CADM2: variants seen among roughly 807,000 people sequenced by gnomAD.
CADM2 encodes immunoglobulin superfamily member 4D.
CADM2 carries 12 observed loss-of-function variants against 49.8 expected under a neutral mutation model. The observed-to-expected ratio is 0.24, with a 90% CI of 0.15 to 0.39. The LOEUF is 0.39. Ranked by LOEUF, CADM2 falls within the 10% of genes least tolerant of loss-of-function variation. The pLI, the probability that CADM2 is intolerant of heterozygous loss-of-function variation, is 1.00. For synonymous variants in CADM2, 214 were observed against 175.4 expected, an observed-to-expected ratio of 1.22 and a Z score of -1.74; for missense variants, 378 against 492.3, an observed-to-expected ratio of 0.77 and a Z score of 2.20.
At chr3:85,205,721 AT>A (rs2041615562) in intron 1 of CADM2, among the ~76,000 whole-genome samples, 9 of 152,152 alleles carry the variant, frequency 5.9e-5, no homozygotes, top group Non-Finnish European at 1.5e-5. Context: ...CTATTACAAT[AT>A]ATTTGTAATG....
At chr3:85,965,892 G>A (rs1725413723) in intron 8 of CADM2, among the ~76,000 whole-genome samples, 1 of 151,564 alleles carries the variant, frequency 6.6e-6, no homozygotes, top group Non-Finnish European at 1.5e-5. Context: ...ATCATCAATT[G>A]ATTAAAAATA....
At chr3:86,014,714 C>T (rs1559801604) in intron 8 of CADM2, 1 of 1,520,724 alleles carries the variant, frequency 6.6e-7, no homozygotes, top group Non-Finnish European at 8.8e-7. Flanking sequence ...ACCATGCTGA[C>T]ATGTGTAGAA....
chr3:85,865,338 C>A (rs1196849283), intron 3 of CADM2, among the ~76,000 whole-genome samples: 1 of 152,174 alleles, frequency 6.6e-6, no homozygotes, highest in Non-Finnish European at 1.5e-5. Context: ...TCTCTGCTTA[C>A]TTTATTTATT....
intron 1 of CADM2, among the ~76,000 whole-genome samples, chr3:85,433,189 A>G (rs2036766419): frequency 6.6e-6 from 1 of 152,086 alleles, no homozygotes; most frequent in Non-Finnish European, 1.5e-5. Flanking sequence ...AATATTAAAT[A>G]TAGAATATGA....
chr3:85,260,207 A>G (rs1013511534), intron 1 of CADM2, among the ~76,000 whole-genome samples: 15 of 152,106 alleles, frequency 9.9e-5, no homozygotes, highest in African/African-American at 3.6e-4. Flanking sequence ...CTAGATCAGT[A>G]ATTTTAGTTT....
chr3:85,358,519 G>A (rs983612075), intron 1 of CADM2, among the ~76,000 whole-genome samples: 1 of 152,056 alleles, frequency 6.6e-6, no homozygotes, highest in African/African-American at 2.4e-5. Flanking sequence ...GGGTGTGAGT[G>A]GAGCCCATTA....
At chr3:85,171,687 C>G (rs571096276) in intron 1 of CADM2, among the ~76,000 whole-genome samples, 23 of 152,226 alleles carry the variant, frequency 1.5e-4, no homozygotes, top group African/African-American at 5.5e-4. Context: ...CTGTTCTCAT[C>G]AATAGATTGA....
intron 1 of CADM2, among the ~76,000 whole-genome samples, chr3:85,403,562 G>A (rs1265923888): frequency 6.6e-6 from 1 of 152,018 alleles, no homozygotes; most frequent in Admixed American, 6.6e-5. Context: ...AGACATGCAT[G>A]GTGAGATCTT....
chr3:85,464,169 C>T (rs2038383297), intron 1 of CADM2, among the ~76,000 whole-genome samples: 1 of 151,970 alleles, frequency 6.6e-6, no homozygotes, highest in African/African-American at 2.4e-5. Flanking sequence ...TTATAAATGA[C>T]CATGACATGC....
intron 1 of CADM2, among the ~76,000 whole-genome samples, chr3:85,618,181 A>T (rs187803867): frequency 6.6e-6 from 1 of 152,322 alleles, no homozygotes; most frequent in East Asian, 1.9e-4. Flanking sequence ...AGCTAAATTA[A>T]TAGACAATTT....
rs190698678 is a variant in CADM2, at chr3:85,569,649, A to C, written c.62-156873A>C. On this transcript the variant is annotated intron_variant, in intron 1 of 9. Coordinates refer to ENST00000383699, the MANE Select transcript of CADM2 (RefSeq NM_001167675.2). ...GTGTGTAGTGTCATCCTAGGTTTCC[A>C]ATATGGGATGATTGGTTAGATCAAT... Among the ~76,000 whole-genome samples the C allele has an allele frequency of 1.2e-3, 175 of 151,356 alleles. 2 individuals are homozygous for C. The highest frequency in any genetic ancestry group is 4.0e-3 in the African/African-American group (165 of 41,358).
intron 1 of CADM2, among the ~76,000 whole-genome samples, chr3:85,616,517 T>G (rs1302857012): frequency 1.3e-5 from 2 of 152,160 alleles, no homozygotes; most frequent in Admixed American, 6.6e-5. Flanking sequence ...GTGATTTTTA[T>G]GTATTTAATC....
chr3:85,682,405 A>C (rs939757594), intron 1 of CADM2, among the ~76,000 whole-genome samples: 1 of 152,096 alleles, frequency 6.6e-6, no homozygotes, highest in African/African-American at 2.4e-5. Flanking sequence ...TTACAAAGCA[A>C]TATAATTATT....
chr3:85,223,130 G>T (rs773158410), intron 1 of CADM2, among the ~76,000 whole-genome samples: 4 of 152,074 alleles, frequency 2.6e-5, no homozygotes, highest in Non-Finnish European at 4.4e-5. Context: ...AAATTAAAAT[G>T]TAACAATTTA....
intron 3 of CADM2, among the ~76,000 whole-genome samples, chr3:85,833,052 A>G (rs950848104): frequency 4.6e-5 from 7 of 152,014 alleles, no homozygotes; most frequent in South Asian, 2.1e-4. Context: ...TTCTGCATCT[A>G]TTTATCAAAA....
chr3:85,613,389 G>A (rs1033309210), intron 1 of CADM2, among the ~76,000 whole-genome samples: 2 of 151,590 alleles, frequency 1.3e-5, no homozygotes, highest in South Asian at 2.1e-4. Context: ...CATATGTATG[G>A]TATTTTCCAC....
chr3:85,337,211 A>G (rs2045113813), intron 1 of CADM2, among the ~76,000 whole-genome samples: 1 of 150,266 alleles, frequency 6.7e-6, no homozygotes, highest in East Asian at 2.0e-4. Flanking sequence ...GCATCTTTAA[A>G]CTCCAACTGA....
chr3:85,515,798 G>T (rs1169315733), intron 1 of CADM2, among the ~76,000 whole-genome samples: 1 of 151,440 alleles, frequency 6.6e-6, no homozygotes, highest in Non-Finnish European at 1.5e-5. Context: ...TTTGAAACAG[G>T]CTAAATATGC....
intron 1 of CADM2, among the ~76,000 whole-genome samples, chr3:85,634,621 T>C (rs2107530919): frequency 6.6e-6 from 1 of 152,174 alleles, no homozygotes; most frequent in Non-Finnish European, 1.5e-5. Context: ...CATTGTTTCC[T>C]AAAAATAATT....
Sources: gnomAD v4.1 joint callset for allele counts (sites outside exome capture counted in the v4.1 genomes callset) on GRCh38, gnomAD v4.1.1 for gene constraint, MANE v1.5 for transcripts, NCBI Gene and HGNC (gene_info 2026-07-23, HGNC 2026-07-21) for gene names.